Variants in POLRMT observed in about 807,000 individuals in gnomAD.
POLRMT encodes DNA-directed RNA polymerase, mitochondrial.
A neutral mutation model predicts 132.2 loss-of-function variants in POLRMT; 114 were observed. That is an observed-to-expected ratio of 0.86 (90% CI 0.74 to 1.01). The LOEUF is 1.01. POLRMT is among the 50% of genes least tolerant of loss of function. POLRMT has a pLI of 0.00. For synonymous variants in POLRMT, 1,020 were observed against 773.4 expected, an observed-to-expected ratio of 1.32 and a Z score of -5.29; for missense variants, 2,003 against 1,729.1, an observed-to-expected ratio of 1.16 and a Z score of -2.81.
intron 2 of POLRMT, 64 bp from the exon 3 acceptor site, chr19:630,232 T>C: frequency 6.6e-7 from 1 of 1,512,386 alleles, no homozygotes; most frequent in Non-Finnish European, 8.8e-7. Context: ...CCCGTCTCTC[T>C]GGACCCTGAG....
In POLRMT at chr19:619,284, C is replaced by T. The variant is rs1226122421; in HGVS notation, c.3079G>A (p.Glu1027Lys). 6.2e-7 allele frequency: 1 copy of T among 1,608,494 alleles called. No homozygotes were observed. Among genetic ancestry groups the T allele is most frequent in the Admixed American group, 1.7e-5 (1 of 59,722 alleles). The change falls in exon 14 of 21, where the codon GAG becomes AAG. Residue 1027 changes from glutamate (E) to lysine (K), a missense_variant. Transcript: ENST00000588649. The stretch of plus-strand genomic sequence containing the variant: ...TGGCGTACGAGATAGTGAGAGGCCT[C>T]CCACACGAACTCCTGCAGAGGGCGG... Reference protein sequence around the residue: ...LSDFPQEFVWEASHYLVRQVF... With the variant: ...LSDFPQEFVWKASHYLVRQVF...
Position 623,665 on chromosome 19 carries a change from C to T in POLRMT, c.1141-62G>A, listed in dbSNP as rs368648099. The T allele has an allele frequency of 4.4e-6, 7 of 1,575,904 alleles. No homozygotes were observed. The South Asian group carries it at 4.4e-5, about 10-fold the overall frequency. On this transcript the variant is annotated intron_variant, in intron 5 of 20. Transcript: ENST00000588649. ...AGAGGGCGACCTGCCCTCCCAGGACCCCGAGACAGCATGGGTGCACGCGTT... is the reference window on the plus strand; with the variant it reads ...AGAGGGCGACCTGCCCTCCCAGGACTCCGAGACAGCATGGGTGCACGCGTT...
At chr19:630,518 T>G (rs1985337861) in intron 2 of POLRMT, among the ~76,000 whole-genome samples, 1 of 152,024 alleles carries the variant, frequency 6.6e-6, no homozygotes, top group African/African-American at 2.4e-5. Flanking sequence ...CGTCCACCTC[T>G]CAGTACCTCC....
rs775758699 is a variant in POLRMT, at chr19:623,611, G to A, written c.1141-8C>T. On this transcript the variant is annotated splice_polypyrimidine_tract_variant and splice_region_variant and intron_variant, in intron 5 of 20. Coordinates refer to ENST00000588649, the MANE Select transcript of POLRMT (RefSeq NM_005035.4). Reference sequence around the variant, plus strand: ...GTAGGACACACGCCCATCCTGCAGGGATGGGGGTAGTGAGGTTGGGGGCTT... The same window carrying A: ...GTAGGACACACGCCCATCCTGCAGGAATGGGGGTAGTGAGGTTGGGGGCTT... The A allele has an allele frequency of 1.2e-5, 19 of 1,613,198 alleles. No homozygotes were observed. Among genetic ancestry groups the A allele is most frequent in the South Asian group, 3.3e-5 (3 of 91,090 alleles).
intron 12 of POLRMT, 66 bp downstream of exon 12, chr19:619,892 G>A (rs1050809916): frequency 6.3e-6 from 10 of 1,592,506 alleles, no homozygotes; most frequent in South Asian, 1.1e-5. Flanking sequence ...GGGCACCTGG[G>A]GCCGAGACTC....
At chr19:631,345 G>GGT (rs1985403362) in intron 2 of POLRMT, among the ~76,000 whole-genome samples, 1 of 150,170 alleles carries the variant, frequency 6.7e-6, no homozygotes, top group Admixed American at 6.6e-5. Context: ...AAAAGGGGGG[G>GGT]GGGGACCCAG....
chr19:633,523 G>C lies in POLRMT; in HGVS notation c.-11C>G, dbSNP rs767754140. 343 of 748,702 alleles carry C rather than the reference G, an allele frequency of 4.6e-4. 3 individuals are homozygous for C. The East Asian group carries it at 5.6e-3, about 12-fold the overall frequency. The allele number at this position is 748,702 out of a possible 1,614,324, so 46.4% of individuals were successfully genotyped here. On this transcript the variant is annotated 5_prime_UTR_variant, in exon 1 of 21. Coordinates refer to ENST00000588649, the MANE Select transcript of POLRMT (RefSeq NM_005035.4). ...GCAAAGTGCCGACATTACGCACGCC[G>C]CTCCAGGCCACCCCACCGGCCCGCG... is the stretch of plus-strand genomic sequence containing the variant.
Position 620,158 on chromosome 19 carries a change from G to C in POLRMT, c.2764-78C>G, listed in dbSNP as rs1984402286. 2.0e-6 allele frequency: 3 copies of C among 1,516,038 alleles called. No homozygotes were observed. In the South Asian group the frequency reaches 3.7e-5, roughly 19 times the overall value. 93.9% of individuals were successfully genotyped at this position (1,516,038 alleles called of 1,614,324 possible). ...GGGACCCCAAACCACCCCCCAGGTC[G>C]AGCCGTTCCTAGGGCCGTGCACCCC... On this transcript the variant is annotated intron_variant, in intron 11 of 20. Coordinates refer to ENST00000588649, the MANE Select transcript of POLRMT (RefSeq NM_005035.4).
rs753255558 is a variant in POLRMT, at chr19:624,911, G to A, written c.954-6C>T. 6.2e-7 allele frequency: 1 copy of A among 1,601,398 alleles called. No homozygotes were observed. Among genetic ancestry groups the A allele is most frequent in the South Asian group, 1.1e-5 (1 of 90,576 alleles). ...GGCTCATCTGTTCCAGACACCTGTG[G>A]TGCAGGCGGCCTGCTCGAGGGACGG... On this transcript the variant is annotated splice_region_variant and splice_polypyrimidine_tract_variant and intron_variant, in intron 4 of 20. Coordinates refer to ENST00000588649, the MANE Select transcript of POLRMT (RefSeq NM_005035.4).
intron 5 of POLRMT, among the ~76,000 whole-genome samples, chr19:624,505 C>G (rs778840735): frequency 6.6e-6 from 1 of 152,152 alleles, no homozygotes; most frequent in African/African-American, 2.4e-5. Flanking sequence ...CTGCGGCCCC[C>G]GACCACCTCG....
At position 621,554 on chromosome 19, in the gene POLRMT, T is replaced by G. The variant is rs1224606718; in HGVS notation, c.2144A>C (p.Asp715Ala). 5 of 1,439,216 alleles carry G rather than the reference T, an allele frequency of 3.5e-6. No individual in the cohort carries two copies. The highest frequency in any genetic ancestry group is 2.5e-4 in the Middle Eastern group (1 of 3,962). 89.2% of individuals were successfully genotyped at this position (1,439,216 alleles called of 1,614,324 possible). A position where few individuals can be genotyped will look rare whatever the true frequency, so the allele number is the denominator to read the frequency against. ...CAWRVNGRVLDLVLQLFQAKG... is the reference protein window; with the variant it reads ...CAWRVNGRVLALVLQLFQAKG... ...GGCCTGGAAGAGCTGCAGCACCAGG[T>G]CCAGCACGCGCCCGTTGACGCGCCA... Residue 715 changes from aspartate to alanine, a missense_variant, in exon 10 of 21, where the codon GAC (aspartate) becomes GCC (alanine). Coordinates refer to ENST00000588649, the MANE Select transcript of POLRMT (RefSeq NM_005035.4).
intron 2 of POLRMT, among the ~76,000 whole-genome samples, chr19:630,796 T>C (rs1985357967): frequency 6.6e-6 from 1 of 152,198 alleles, no homozygotes. Context: ...TCGTGCCGCC[T>C]CAGGTTGCAT....
intron 3 of POLRMT, 130 bp from the exon 4 acceptor site, chr19:625,384 G>A: frequency 7.8e-7 from 1 of 1,288,604 alleles, no homozygotes; most frequent in South Asian, 1.5e-5. Flanking sequence ...GGAGTGGCCA[G>A]CTGGGCAGAC....
Position 630,030 on chromosome 19 carries a change from G to T in POLRMT, c.332C>A (p.Ala111Asp), listed in dbSNP as rs762342799. 1.9e-6 allele frequency: 3 copies of T among 1,613,792 alleles called. No individual in the cohort carries two copies. The South Asian group carries it at 3.3e-5, about 18-fold the overall frequency. Reference sequence around the variant, plus strand: ...ACAGGGCACCGGGGTGGCATCCTTGGCCCCCATCTGGACCTTCCTGGGTGG... The same window carrying T: ...ACAGGGCACCGGGGTGGCATCCTTGTCCCCCATCTGGACCTTCCTGGGTGG... Reference protein sequence around the residue: ...LQPPRKVQMGAKDATPVPCGR... With the variant: ...LQPPRKVQMGDKDATPVPCGR... The change falls in exon 3 of 21, where the codon GCC becomes GAC. Residue 111 changes from alanine (A) to aspartate (D), a missense_variant. Transcript: ENST00000588649.
At chr19:633,273 G>A in intron 1 of POLRMT, 152 bp downstream of exon 1, 1 of 990,960 alleles carries the variant, frequency 1.0e-6, no homozygotes, top group Non-Finnish European at 1.4e-6. Context: ...GTCGAAAAGC[G>A]GGCAAGGGCG....
intron 17 of POLRMT, 130 bp downstream of exon 17, chr19:618,358 C>T: frequency 1.4e-6 from 1 of 720,010 alleles, no homozygotes; most frequent in Non-Finnish European, 2.3e-6. Flanking sequence ...TACACAGGCC[C>T]CACAGACACA....
intron 5 of POLRMT, 140 bp from the exon 6 acceptor site, chr19:623,743 G>GCGGGGAAAGGCGGA (rs1984817009): frequency 9.3e-7 from 1 of 1,076,646 alleles, no homozygotes; most frequent in African/African-American, 1.6e-5. Flanking sequence ...GGAAAGGCGG[G>GCGGGGAAAGGCGGA]CTGCGGGTAA....
rs1985257242 is a variant in POLRMT, at chr19:629,604, C to T, written c.758G>A (p.Arg253Gln). 3.1e-6 allele frequency: 5 copies of T among 1,602,510 alleles called. No individual in the cohort carries two copies. Among genetic ancestry groups the T allele is most frequent in the Non-Finnish European group, 3.4e-6 (4 of 1,175,934 alleles). The change falls in exon 3 of 21, where the codon CGG (arginine) becomes CAG (glutamine). Residue 253 changes from arginine (R) to glutamine (Q), a missense_variant. Arg to Gln is a conservative substitution (Grantham distance 43, BLOSUM62 1). Transcript: ENST00000588649. ...CAGCGTGAGCAGCTTCCGCTTCTGC[C>T]GCTGGCCGTGGTGGACGACCAGCAG... is the stretch of plus-strand genomic sequence containing the variant. ...HHLLVVHHGQ[R>Q]QKRKLLTLDM...
intron 3 of POLRMT, among the ~76,000 whole-genome samples, chr19:628,860 C>CG: frequency 6.6e-6 from 1 of 152,116 alleles, no homozygotes; most frequent in South Asian, 2.1e-4. Context: ...AAAAATTAAT[C>CG]GGGGGTGGTG....
Sources: gnomAD v4.1 joint callset for allele counts (sites outside exome capture counted in the v4.1 genomes callset) on GRCh38, gnomAD v4.1.1 for gene constraint, MANE v1.5 for transcripts, NCBI Gene and HGNC (gene_info 2026-07-23, HGNC 2026-07-21) for gene names.